The following NPFFR2 variants were observed in gnomAD, a reference collection of about 807,000 sequenced individuals.
NPFFR2 encodes the protein G-protein coupled receptor 74.
Under a neutral mutation model 13.1 loss-of-function variants are expected in NPFFR2, and 15 were observed. The ratio of observed to expected loss-of-function variants is 1.15; its 90% CI spans 0.77 to 1.76. NPFFR2 has a LOEUF of 1.76. Among genes scored for constraint, NPFFR2 ranks in the 40% most tolerant of loss-of-function variants. NPFFR2 has a pLI of 0.00. For synonymous variants in NPFFR2, 190 were observed against 175.7 expected, an observed-to-expected ratio of 1.08 and a Z score of -0.65; for missense variants, 572 against 503.5, an observed-to-expected ratio of 1.14 and a Z score of -1.30.
intron 1 of NPFFR2, among the ~76,000 whole-genome samples, chr4:72,042,529 G>A (rs1453526258): frequency 6.6e-6 from 1 of 152,162 alleles, no homozygotes. Context: ...GAACTTCCTA[G>A]AGACTTGTTG....
At chr4:72,101,308 C>A (rs752678014) in intron 1 of NPFFR2, among the ~76,000 whole-genome samples, 5 of 151,724 alleles carry the variant, frequency 3.3e-5, no homozygotes, top group Non-Finnish European at 5.9e-5. Flanking sequence ...CAAGAAAAAT[C>A]AAAATAAACA....
intron 1 of NPFFR2, among the ~76,000 whole-genome samples, chr4:72,077,008 TTTATC>T (rs1223965126): frequency 6.6e-6 from 1 of 152,160 alleles, no homozygotes; most frequent in East Asian, 1.9e-4. Flanking sequence ...CTAAATTAAT[TTTATC>T]TTATTCTTAT....
intron 1 of NPFFR2, among the ~76,000 whole-genome samples, chr4:72,117,546 C>T (rs1721748415): frequency 6.6e-6 from 1 of 152,194 alleles, no homozygotes; most frequent in African/African-American, 2.4e-5. Flanking sequence ...CACTCCAGAA[C>T]ACCAGTATTT....
intron 1 of NPFFR2, among the ~76,000 whole-genome samples, chr4:72,108,606 T>C (rs561321726): frequency 3.2e-4 from 48 of 152,176 alleles, no homozygotes; most frequent in Middle Eastern, 6.8e-3. Context: ...TAAAATATTA[T>C]ATATGTGTAT....
chr4:72,105,093 T>C (rs1205299603), intron 1 of NPFFR2, among the ~76,000 whole-genome samples: 1 of 151,568 alleles, frequency 6.6e-6, no homozygotes, highest in Non-Finnish European at 1.5e-5. Flanking sequence ...CTTTGATTTT[T>C]CAATGTAATA....
chr4:72,101,965 C>T (rs1010960398), intron 1 of NPFFR2, among the ~76,000 whole-genome samples: 4 of 151,878 alleles, frequency 2.6e-5, no homozygotes, highest in African/African-American at 9.7e-5. Flanking sequence ...AATAGGTGCT[C>T]CAAAAAGCCA....
At chr4:72,093,820 CT>C (rs1403221175) in intron 1 of NPFFR2, among the ~76,000 whole-genome samples, 239 of 129,398 alleles carry the variant, frequency 1.8e-3, no homozygotes, top group Middle Eastern at 4.0e-3. Context: ...CTTCTGAATT[CT>C]TTTTTTTTTT....
chr4:72,139,297 C>T (rs1189778515), intron 3 of NPFFR2, among the ~76,000 whole-genome samples: 1 of 152,012 alleles, frequency 6.6e-6, no homozygotes, highest in Non-Finnish European at 1.5e-5. Flanking sequence ...CTTTTGTTGC[C>T]ATTGCTTTTG....
chr4:72,087,346 A>G (rs1045206486), intron 1 of NPFFR2, among the ~76,000 whole-genome samples: 1 of 152,118 alleles, frequency 6.6e-6, no homozygotes, highest in Non-Finnish European at 1.5e-5. Context: ...ATCCAAACAC[A>G]ACATATAAAA....
At chr4:72,053,345 T>A (rs944808470) in intron 1 of NPFFR2, among the ~76,000 whole-genome samples, 2 of 151,658 alleles carry the variant, frequency 1.3e-5, no homozygotes, top group African/African-American at 4.8e-5. Flanking sequence ...GAAGAGATAA[T>A]GAGAGAACAG....
intron 1 of NPFFR2, among the ~76,000 whole-genome samples, chr4:72,127,303 C>CAAAAAAAA (rs772559589): frequency 8.8e-5 from 1 of 11,424 alleles, no homozygotes; most frequent in Admixed American, 2.1e-3. Flanking sequence ...GACTCCATCT[C>CAAAAAAAA]AAAAAAAAAA....
At chr4:72,066,589 A>G (rs538962696) in intron 1 of NPFFR2, among the ~76,000 whole-genome samples, 1 of 150,868 alleles carries the variant, frequency 6.6e-6, no homozygotes, top group African/African-American at 2.5e-5. Context: ...TAAAAAAGTT[A>G]TGTGCTTCCA....
intron 1 of NPFFR2, among the ~76,000 whole-genome samples, chr4:72,055,290 T>C (rs1045027313): frequency 1.1e-4 from 5 of 46,986 alleles, no homozygotes; most frequent in Non-Finnish European, 2.2e-4. Context: ...CACATTTCGG[T>C]AATTCTTGTG....
intron 1 of NPFFR2, among the ~76,000 whole-genome samples, chr4:72,112,336 T>C (rs949730222): frequency 2.6e-5 from 4 of 152,068 alleles, no homozygotes; most frequent in Non-Finnish European, 5.9e-5. Context: ...TCTTTCTCTC[T>C]CTTTTTACAC....
In NPFFR2 at chr4:72,093,606, A is replaced by G. The variant is rs954992575; in HGVS notation, c.-7-34979A>G. On this transcript the variant is annotated intron_variant, in intron 1 of 3. Coordinates refer to ENST00000308744, the MANE Select transcript of NPFFR2 (RefSeq NM_004885.3). Reference sequence around the variant, plus strand: ...TTTGAGCTCTGAATTTCTTTCTTCTATTTGTTTGATTCTATTGCTGAGACT... The same window carrying G: ...TTTGAGCTCTGAATTTCTTTCTTCTGTTTGTTTGATTCTATTGCTGAGACT... 2.0e-5 allele frequency among the ~76,000 whole-genome samples: 3 copies of G among 149,006 alleles called. No homozygotes were observed. The East Asian group carries it at 5.8e-4, about 29-fold the overall frequency.
Position 72,065,202 on chromosome 4 carries a change from G to T in NPFFR2, c.-8+33002G>T, listed in dbSNP as rs7699901. 1.9e-3 allele frequency among the ~76,000 whole-genome samples: 291 copies of T among 151,974 alleles called. 3 individuals are homozygous for T. The highest frequency in any genetic ancestry group is 6.8e-3 in the African/African-American group (282 of 41,484). On this transcript the variant is annotated intron_variant, in intron 1 of 3. Transcript: ENST00000308744. ...AAAAACTTCATTAAAAATTATTTTT[G>T]AATGAAATAATTCCATAGGCAAGTG...
At chr4:72,136,560 A>G (rs1578480052) in intron 2 of NPFFR2, among the ~76,000 whole-genome samples, 3 of 152,174 alleles carry the variant, frequency 2.0e-5, no homozygotes, top group Admixed American at 6.5e-5. Flanking sequence ...GAAATTCCCA[A>G]CTGTAAAAAT....
chr4:72,062,425 T>A (rs548108255), intron 1 of NPFFR2, among the ~76,000 whole-genome samples: 3 of 152,128 alleles, frequency 2.0e-5, no homozygotes, highest in Non-Finnish European at 4.4e-5. Flanking sequence ...TCTGGAAGCA[T>A]TGATTGCAAC....
At chr4:72,032,734 G>C (rs1284744027) in intron 1 of NPFFR2, among the ~76,000 whole-genome samples, 2 of 152,132 alleles carry the variant, frequency 1.3e-5, no homozygotes, top group Non-Finnish European at 2.9e-5. Context: ...GAGTGAGATA[G>C]GGTTTCCAGA....
Sources: gnomAD v4.1 joint callset for allele counts (sites outside exome capture counted in the v4.1 genomes callset) on GRCh38, gnomAD v4.1.1 for gene constraint, MANE v1.5 for transcripts, NCBI Gene and HGNC (gene_info 2026-07-23, HGNC 2026-07-21) for gene names.